The following IPP variants were observed in gnomAD, a reference collection of about 807,000 sequenced individuals.
IPP encodes actin-binding protein IPP.
A neutral mutation model predicts 64.1 loss-of-function variants in IPP; 41 were observed. The observed-to-expected ratio is 0.64, with a 90% CI of 0.50 to 0.83. The LOEUF is 0.83. IPP is among the 40% of genes least tolerant of loss of function. IPP has a pLI of 0.00. For missense variants in IPP, 649 were observed against 703.0 expected (o/e 0.92, Z 0.87); for synonymous variants, 214 against 235.2 (o/e 0.91, Z 0.83).
downstream of IPP, chr1:45,694,493 GA>G: frequency 6.5e-7 from 1 of 1,542,020 alleles, no homozygotes; most frequent in Non-Finnish European, 8.8e-7. Flanking sequence ...ACTTCAAGCG[GA>G]AAACCTCGTA....
intron 5 of IPP, among the ~76,000 whole-genome samples, 170 bp from the exon 6 acceptor site, chr1:45,719,510 A>G (rs1645703608): frequency 6.6e-6 from 1 of 152,204 alleles, no homozygotes; most frequent in Admixed American, 6.5e-5. Context: ...TTGAATCTAG[A>G]GCACTGTCAT....
chr1:45,714,506 G>A, intron 7 of IPP, 40 bp from the exon 8 acceptor site: 1 of 1,130,974 alleles, frequency 8.8e-7, no homozygotes, highest in Non-Finnish European at 1.4e-6. Flanking sequence ...TACAGATAGT[G>A]AGATACAAAT....
rs377513316 is a variant in IPP at position 45,704,482 on chromosome 1, C to T, written c.1531-4292G>A. On this transcript the variant is annotated intron_variant, in intron 8 of 8. Coordinates refer to ENST00000396478, the MANE Select transcript of IPP (RefSeq NM_005897.3). ...TGAACTCCTGACCTAGCAATCCACCCGCCTCGGCCTCCCCAAGTGCTGGGA... is the reference window on the plus strand; with the variant it reads ...TGAACTCCTGACCTAGCAATCCACCTGCCTCGGCCTCCCCAAGTGCTGGGA... 4.0e-4 allele frequency among the ~76,000 whole-genome samples: 61 copies of T among 152,192 alleles called. No individual in the cohort carries two copies. The South Asian group carries it at 5.0e-3, about 12-fold the overall frequency.
chr1:45,698,301 A>AT (rs1557734771), downstream of IPP, among the ~76,000 whole-genome samples: 2 of 152,180 alleles, frequency 1.3e-5, no homozygotes, highest in Admixed American at 1.3e-4. Context: ...TCAAAAAAAA[A>AT]TTTTTTTTAC....
At chr1:45,715,141 G>C (rs1181523504) in intron 7 of IPP, among the ~76,000 whole-genome samples, 2 of 144,092 alleles carry the variant, frequency 1.4e-5, no homozygotes, top group Non-Finnish European at 3.0e-5. Context: ...GTTACAGTGA[G>C]CCAAGATTGC....
chr1:45,696,278 T>C (rs1468207130), downstream of IPP, among the ~76,000 whole-genome samples: 1 of 152,198 alleles, frequency 6.6e-6, no homozygotes, highest in Non-Finnish European at 1.5e-5. Context: ...GCATATCGGA[T>C]TGTTAAACAT....
intron 5 of IPP, among the ~76,000 whole-genome samples, chr1:45,723,701 A>C (rs1645763163): frequency 6.6e-6 from 1 of 152,136 alleles, no homozygotes. Flanking sequence ...ATACCCTCCA[A>C]AGTAAAGATA....
chr1:45,747,113 CACACGAGCGCG>C (rs950224086), intron 1 of IPP, among the ~76,000 whole-genome samples: 37 of 150,028 alleles, frequency 2.5e-4, no homozygotes, highest in Non-Finnish European at 5.4e-4. Context: ...CATGCGCGCG[CACACGAGCGCG>C]CGCGCGCGCT....
At chr1:45,702,566 T>C (rs1645469271) in intron 8 of IPP, among the ~76,000 whole-genome samples, 1 of 152,152 alleles carries the variant, frequency 6.6e-6, no homozygotes, top group South Asian at 2.1e-4. Flanking sequence ...GCAATTCTCC[T>C]GCTTCAGCCT....
At chr1:45,745,012 G>C (rs1360827070) in intron 2 of IPP, among the ~76,000 whole-genome samples, 1 of 152,182 alleles carries the variant, frequency 6.6e-6, no homozygotes, top group South Asian at 2.1e-4. Context: ...ATTGAAGTGT[G>C]AGTGCACCAC....
intron 2 of IPP, 54 bp from the exon 3 acceptor site, chr1:45,741,386 A>C (rs1646063759): frequency 3.3e-6 from 4 of 1,216,274 alleles, no homozygotes; most frequent in Non-Finnish European, 4.7e-6. Context: ...ACATTGGCTT[A>C]CCATATTCAA....
At position 45,731,893 on chromosome 1, in the gene IPP, G is replaced by A. The variant is rs570271729; in HGVS notation, c.725-2124C>T. On this transcript the variant is annotated intron_variant, in intron 3 of 8. Transcript: ENST00000396478. ...AAAGGTTGCGGTGAGCCAATATCACGGCCACTGCACTCCAGCCTGGGTGAC... is the reference window on the plus strand; with the variant it reads ...AAAGGTTGCGGTGAGCCAATATCACAGCCACTGCACTCCAGCCTGGGTGAC... 1.8e-4 allele frequency among the ~76,000 whole-genome samples: 27 copies of A among 151,198 alleles called. No individual in the cohort carries two copies. In the East Asian group the frequency reaches 3.9e-3, roughly 22 times the overall value.
chr1:45,714,018 A>G (rs1198605892), intron 8 of IPP, among the ~76,000 whole-genome samples: 1 of 152,190 alleles, frequency 6.6e-6, no homozygotes, highest in Admixed American at 6.5e-5. Flanking sequence ...AGCAAACTCA[A>G]TCAAAAACAA....
chr1:45,739,546 C>T (rs1646032263), intron 3 of IPP, among the ~76,000 whole-genome samples: 1 of 150,774 alleles, frequency 6.6e-6, no homozygotes, highest in South Asian at 2.1e-4. Flanking sequence ...TGAACCATTG[C>T]ACCTGGCCTA....
Position 45,710,115 on chromosome 1 carries a change from C to T in IPP, c.1530+4131G>A, listed in dbSNP as rs1451300142. Among the ~76,000 whole-genome samples the T allele has an allele frequency of 6.6e-5, 6 of 90,976 alleles. No individual in the cohort carries two copies. In the South Asian group the frequency reaches 1.2e-3, roughly 19 times the overall value. 59.7% of individuals were successfully genotyped at this position (90,976 alleles called of 152,430 possible). On this transcript the variant is annotated intron_variant, in intron 8 of 8. Transcript: ENST00000396478. The stretch of plus-strand genomic sequence containing the variant: ...TGGCATGCACCTGTTGTCCCAGCTA[C>T]TCGGGAGGCTAAGACAGGAGAATTG...
chr1:45,739,389 G>A (rs74807331), intron 3 of IPP, among the ~76,000 whole-genome samples: 16 of 148,004 alleles, frequency 1.1e-4, no homozygotes, highest in African/African-American at 3.0e-4. Flanking sequence ...GCATGCCACC[G>A]TGCTGGGCTA....
At chr1:45,704,339 G>A (rs569134564) in intron 8 of IPP, among the ~76,000 whole-genome samples, 1 of 151,878 alleles carries the variant, frequency 6.6e-6, no homozygotes, top group East Asian at 1.9e-4. Context: ...CTGGGTTCAA[G>A]CGATTCTCCT....
intron 8 of IPP, among the ~76,000 whole-genome samples, chr1:45,711,170 T>C (rs1344590476): frequency 6.9e-6 from 1 of 145,642 alleles, no homozygotes; most frequent in African/African-American, 2.5e-5. Flanking sequence ...CCATCTCTAC[T>C]AAAATAGAAA....
At chr1:45,745,584 C>T (rs774620618) in intron 2 of IPP, among the ~76,000 whole-genome samples, 33 of 152,096 alleles carry the variant, frequency 2.2e-4, no homozygotes, top group Non-Finnish European at 3.4e-4. Flanking sequence ...ACAGGCCAGG[C>T]GCAGTGGCTC....
Sources: allele counts gnomAD v4.1 joint callset (sites outside exome capture counted in the v4.1 genomes callset), GRCh38; gene constraint gnomAD v4.1.1; transcripts MANE v1.5; gene names NCBI Gene and HGNC (gene_info 2026-07-23, HGNC 2026-07-21).